Variants in THBS1 observed in about 807,000 individuals in gnomAD.
THBS1 encodes the protein thrombospondin 1, also known as thrombospondin-1.
A neutral mutation model predicts 126.1 loss-of-function variants in THBS1; 29 were observed. The ratio of observed to expected loss-of-function variants is 0.23; its 90% confidence interval spans 0.17 to 0.31. THBS1 has a LOEUF of 0.31. Among genes scored for constraint, THBS1 ranks in the 10% least tolerant of loss-of-function variants. The pLI is 1.00. For synonymous variants in THBS1, 496 were observed against 577.8 expected (o/e 0.86, Z 2.03); for missense variants, 1,198 against 1,545.2 (o/e 0.78, Z 3.77).
At position 39,589,199 on chromosome 15, in the gene THBS1, T is replaced by G. The variant is rs755062565; in HGVS notation, c.1774-3T>G. On this transcript the variant is annotated splice_polypyrimidine_tract_variant and splice_region_variant and intron_variant, in intron 11 of 21. Transcript: ENST00000260356. This position sits in a 1 kb window ranked among gnomAD's most constrained non-coding sequence, Gnocchi z 4.7. ...ATGATGCACGCTCTTATTTCCTCCA[T>G]AGTGCAAAGAAGTGCCTGATGCCTG... The G allele has an allele frequency of 6.2e-7, 1 of 1,613,912 alleles. No homozygotes were observed. The highest frequency in any genetic ancestry group is 8.5e-7 in the Non-Finnish European group (1 of 1,179,936).
chr15:39,590,108 G>A (rs565638700), intron 13 of THBS1, 85 bp downstream of exon 13: 2 of 1,207,792 alleles, frequency 1.7e-6, no homozygotes, highest in South Asian at 3.5e-5. Context: ...AATACTTAAA[G>A]TTTGGACATG....
intron 21 of THBS1, 118 bp from the exon 22 acceptor site, chr15:39,595,244 G>A: frequency 1.6e-6 from 1 of 620,638 alleles, no homozygotes; most frequent in South Asian, 5.1e-5. Context: ...TTAAAATTAG[G>A]CTTTTGTCAT....
intron 14 of THBS1, 72 bp from the exon 15 acceptor site, chr15:39,591,119 A>G: frequency 3.3e-6 from 5 of 1,525,770 alleles, no homozygotes; most frequent in Non-Finnish European, 4.5e-6. Context: ...TAGACATATT[A>G]TGCACATGGT....
intron 3 of THBS1, among the ~76,000 whole-genome samples, chr15:39,582,963 T>C (rs1016337977): frequency 2.0e-5 from 3 of 152,210 alleles, no homozygotes; most frequent in African/African-American, 7.2e-5. Flanking sequence ...CTCTAACAAG[T>C]ACCAGGTGAT....
rs780080396 is a variant in THBS1 at position 39,587,339 on chromosome 15, C to T, written c.1121-8C>T. ...CACGTACCTGATGAACCTCTGTTTC[C>T]CCTGCAGCCAGCGACTCTGCGGACG... On this transcript the variant is annotated splice_polypyrimidine_tract_variant and splice_region_variant and intron_variant, in intron 7 of 21. Transcript: ENST00000260356. 1.2e-6 allele frequency: 2 copies of T among 1,607,746 alleles called. No homozygotes were observed. Among genetic ancestry groups the T allele is most frequent in the Non-Finnish European group, 1.7e-6 (2 of 1,175,948 alleles).
Position 39,583,991 on chromosome 15 carries a change from C to T in THBS1, c.707C>T (p.Thr236Ile), listed in dbSNP as rs1390913044. ...TTTTCATTTTGTTTCTTGCCAGCTA[C>T]CAGTGTCCTCCTCACCCTTGACAAC... ...ILRNKGCSSSTSVLLTLDNNV... is the reference protein window; with the variant it reads ...ILRNKGCSSSISVLLTLDNNV... Residue 236 changes from threonine (T) to isoleucine (I), a missense_variant, in exon 5 of 22, where the codon ACC becomes ATC. Physicochemically the swap from Thr to Ile is moderately conservative, Grantham distance 89 (BLOSUM62 -1). Around this residue, in one of 4 missense-constraint regions of THBS1, gnomAD observed 663 missense variants for 860.1 expected, o/e 0.77. Coordinates refer to ENST00000260356, the MANE Select transcript of THBS1 (RefSeq NM_003246.4). 7 of 1,614,188 alleles carry T rather than the reference C, an allele frequency of 4.3e-6. No individual in the cohort carries two copies. Among genetic ancestry groups the T allele is most frequent in the Non-Finnish European group, 5.1e-6 (6 of 1,180,030 alleles).
chr15:39,593,304 C>T lies in THBS1; in HGVS notation c.2995+77C>T. 1.9e-6 allele frequency: 3 copies of T among 1,611,032 alleles called. No homozygotes were observed. The highest frequency in any genetic ancestry group is 1.1e-5 in the South Asian group (1 of 90,956). The stretch of plus-strand genomic sequence containing the variant: ...ACAAATATAAAACCTGGCAGTTGTA[C>T]CTATCCCTGTGGGTGCTGAGGATGT... On this transcript the variant is annotated intron_variant, in intron 18 of 21. Coordinates refer to ENST00000260356, the MANE Select transcript of THBS1 (RefSeq NM_003246.4). This position sits in a 1 kb window ranked among gnomAD's most constrained non-coding sequence, Gnocchi z 5.9.
Position 39,589,496 on chromosome 15 carries a change from C to A in THBS1, c.1926+142C>A. 1 of 1,164,896 alleles carries A rather than the reference C, an allele frequency of 8.6e-7. No homozygotes were observed. Among genetic ancestry groups the A allele is most frequent in the Non-Finnish European group, 1.2e-6 (1 of 851,372 alleles). The allele number at this position is 1,164,896 out of a possible 1,614,324, so 72.2% of individuals were successfully genotyped here. ...TGAATGTACGGTCTAGTTTTAGAAA[C>A]GTGATTAGAAAATCCATGGTAAATC... On this transcript the variant is annotated intron_variant, in intron 12 of 21. Coordinates refer to ENST00000260356, the MANE Select transcript of THBS1 (RefSeq NM_003246.4). The surrounding 1 kb of genome is among the most constrained non-coding windows in gnomAD (Gnocchi z 4.7).
chr15:39,585,769 GATTGC>G (rs1242814276), intron 7 of THBS1, among the ~76,000 whole-genome samples: 1 of 152,216 alleles, frequency 6.6e-6, no homozygotes. Context: ...TACCCATCTG[GATTGC>G]AGTAATGGCA....
chr15:39,581,660 C>T (rs1211015916), intron 1 of THBS1, 169 bp from the exon 2 acceptor site: 3 of 499,822 alleles, frequency 6.0e-6, no homozygotes, highest in Non-Finnish European at 1.1e-5. Flanking sequence ...CTCTCTCTCT[C>T]TCTCTCTCAT....
At chr15:39,588,247 G>A (rs961907837) in intron 9 of THBS1, 29 bp downstream of exon 9, 1 of 1,604,620 alleles carries the variant, frequency 6.2e-7, no homozygotes, top group African/African-American at 1.3e-5. Context: ...GCAAGGGTGA[G>A]CATGGGCAGC....
At chr15:39,585,439 C>A in intron 6 of THBS1, 31 bp from the exon 7 acceptor site, 1 of 1,598,672 alleles carries the variant, frequency 6.3e-7, no homozygotes. Flanking sequence ...TGCTCAGCAG[C>A]CTGTTCCCCT....
In THBS1 at chr15:39,584,543, GT is replaced by G. The variant is rs5812127; in HGVS notation, c.1026+131del. ...ATGTTCCATGGCCTGATAACAAAGT[GT>G]TTTTTTTTTCTTTAAGATGCAATTA... is the stretch of plus-strand genomic sequence containing the variant. On this transcript the variant is annotated intron_variant, in intron 6 of 21. Coordinates refer to ENST00000260356, the MANE Select transcript of THBS1 (RefSeq NM_003246.4). The G allele has an allele frequency of 3.5e-4, 414 of 1,195,522 alleles. 1 individual carries two copies. The highest frequency in any genetic ancestry group is 1.8e-3 in the South Asian group (103 of 57,302). 74.1% of individuals were successfully genotyped at this position (1,195,522 alleles called of 1,614,324 possible). A position where few individuals can be genotyped will look rare whatever the true frequency, so the allele number is the denominator to read the frequency against.
intron 4 of THBS1, 66 bp from the exon 5 acceptor site, chr15:39,583,922 A>G: frequency 6.3e-7 from 1 of 1,577,892 alleles, no homozygotes; most frequent in Non-Finnish European, 8.7e-7. Context: ...GTCTTCTACC[A>G]CTAAGAACTC....
Position 39,587,468 on chromosome 15 carries a change from G to C in THBS1, c.1242G>C (p.Glu414Asp). ...RSCDSLNNRC[E>D]GSSVQTRTCH... is the part of the protein sequence containing the mutation. Reference sequence around the variant, plus strand: ...GCGATAGCCTCAACAACCGATGTGAGGGCTCCTCGGTCCAGACACGGACCT... The same window carrying C: ...GCGATAGCCTCAACAACCGATGTGACGGCTCCTCGGTCCAGACACGGACCT... The change falls in exon 8 of 22, where the codon GAG becomes GAC. Residue 414 changes from glutamate (E) to aspartate (D), a missense_variant. By Grantham distance (45) the Glu-to-Asp change is conservative (BLOSUM62 2). Coordinates refer to ENST00000260356, the MANE Select transcript of THBS1 (RefSeq NM_003246.4). 1 of 1,613,740 alleles carries C rather than the reference G, an allele frequency of 6.2e-7. No individual in the cohort carries two copies. The highest frequency in any genetic ancestry group is 8.5e-7 in the Non-Finnish European group (1 of 1,179,972).
intron 13 of THBS1, 118 bp downstream of exon 13, chr15:39,590,141 A>G (rs538342795): frequency 1.0e-6 from 1 of 965,696 alleles, no homozygotes; most frequent in Non-Finnish European, 1.5e-6. Flanking sequence ...TAAATCTCCC[A>G]AAGGGAGAGG....
Position 39,595,403 on chromosome 15 carries a change from A to G in THBS1, c.*34A>G. The G allele has an allele frequency of 6.7e-7, 1 of 1,502,650 alleles. No individual in the cohort carries two copies. Among genetic ancestry groups the G allele is most frequent in the Non-Finnish European group, 8.9e-7 (1 of 1,124,510 alleles). The allele number at this position is 1,502,650 out of a possible 1,614,324, so 93.1% of individuals were successfully genotyped here. A position where few individuals can be genotyped will look rare whatever the true frequency, so the allele number is the denominator to read the frequency against. On this transcript the variant is annotated 3_prime_UTR_variant, in exon 22 of 22. Transcript: ENST00000260356. ...TTGTTGATTGAAAGACTGATCATAAACCAATGCTGGTATTGCACCTTCTGG... is the reference window on the plus strand; with the variant it reads ...TTGTTGATTGAAAGACTGATCATAAGCCAATGCTGGTATTGCACCTTCTGG...
At position 39,597,148 on chromosome 15, in the gene THBS1, A is replaced by G. The variant is rs1413226142; in HGVS notation, c.*1779A>G. 1 of 152,170 alleles carries G rather than the reference A, an allele frequency of 6.6e-6. No homozygotes were observed. The highest frequency in any genetic ancestry group is 1.9e-4 in the East Asian group (1 of 5,190). The allele number at this position is 152,170 out of a possible 1,614,324, so 9.4% of individuals were successfully genotyped here. ...TTTTCTCATTGCCATTGGAATAGAT[A>G]TCTCAGATTGTGTAGATATGCTATT... On this transcript the variant is annotated 3_prime_UTR_variant, in exon 22 of 22. Coordinates refer to ENST00000260356, the MANE Select transcript of THBS1 (RefSeq NM_003246.4).
rs1890246239 is a variant in THBS1 at position 39,588,204 on chromosome 15, A to G, written c.1457A>G (p.Lys486Arg). The G allele has an allele frequency of 6.2e-7, 1 of 1,613,622 alleles. No individual in the cohort carries two copies. Among genetic ancestry groups the G allele is most frequent in the African/African-American group, 1.3e-5 (1 of 74,922 alleles). ...GEARETKACK[K>R]DACPINGGWG... is the part of the protein sequence containing the mutation. Reference sequence around the variant, plus strand: ...GCGCGGGAGACCAAAGCCTGCAAGAAAGACGCCTGCCCCAGTAAGTGTGAG... The same window carrying G: ...GCGCGGGAGACCAAAGCCTGCAAGAGAGACGCCTGCCCCAGTAAGTGTGAG... The change falls in exon 9 of 22, where the codon AAA (lysine) becomes AGA (arginine). Residue 486 changes from lysine (K) to arginine (R), a missense_variant. This residue lies in a region of THBS1 where 663 missense variants were observed against 860.1 expected (regional missense o/e 0.77). Transcript: ENST00000260356.
Sources: gnomAD v4.1 joint callset for allele counts (sites outside exome capture counted in the v4.1 genomes callset) on GRCh38, gnomAD v4.1.1 for gene constraint, gnomAD v4.1.1 regional missense constraint, Gnocchi (gnomAD v3.1) non-coding constraint, MANE v1.5 for transcripts, NCBI Gene and HGNC (gene_info 2026-07-23, HGNC 2026-07-21) for gene names.